The following GRID2 variants were observed in gnomAD, a reference collection of about 807,000 sequenced individuals.
GRID2 encodes the protein glutamate receptor ionotropic, delta-2.
In GRID2, 33 loss-of-function variants were observed where a neutral mutation model predicts 114.8. The ratio of observed to expected loss-of-function variants is 0.29; its 90% CI spans 0.22 to 0.38. The LOEUF is 0.38. Among genes scored for constraint, GRID2 ranks in the 10% least tolerant of loss-of-function variants. The pLI is 1.00. For synonymous variants in GRID2, 505 were observed against 449.9 expected (o/e 1.12, Z -1.55); for missense variants, 1,184 against 1,257.7 (o/e 0.94, Z 0.89).
chr4:93,638,406 C>T (rs1721625791), intron 14 of GRID2, among the ~76,000 whole-genome samples: 1 of 34,656 alleles, frequency 2.9e-5, no homozygotes, highest in Non-Finnish European at 5.6e-5. Flanking sequence ...GCGCTGCACC[C>T]ACTAATGTGT....
chr4:93,744,166 C>A (rs1000285761), intron 14 of GRID2, among the ~76,000 whole-genome samples: 2 of 152,130 alleles, frequency 1.3e-5, no homozygotes, highest in African/African-American at 4.8e-5. Flanking sequence ...TGGTCACCCA[C>A]GAACTCTAAT....
chr4:93,235,616 A>C (rs575077985), intron 7 of GRID2, among the ~76,000 whole-genome samples: 1 of 152,260 alleles, frequency 6.6e-6, no homozygotes, highest in Non-Finnish European at 1.5e-5. Flanking sequence ...TGACCTCTGA[A>C]TCATCCCTGA....
chr4:92,933,079 T>C (rs1234743585), intron 2 of GRID2, among the ~76,000 whole-genome samples: 1 of 150,892 alleles, frequency 6.6e-6, no homozygotes, highest in Non-Finnish European at 1.5e-5. Flanking sequence ...TTTTATTTTA[T>C]ATACATTATA....
chr4:92,912,072 G>A (rs1314741687), intron 2 of GRID2, among the ~76,000 whole-genome samples: 1 of 151,702 alleles, frequency 6.6e-6, no homozygotes, highest in Non-Finnish European at 1.5e-5. Context: ...ATGTTATCAT[G>A]TCTGTCATGT....
chr4:93,588,646 C>T (rs1578327049), intron 13 of GRID2, among the ~76,000 whole-genome samples: 1 of 152,174 alleles, frequency 6.6e-6, no homozygotes, highest in East Asian at 1.9e-4. Flanking sequence ...CAATGAGAAA[C>T]TTCCTTTAAA....
intron 14 of GRID2, among the ~76,000 whole-genome samples, chr4:93,676,074 G>A (rs1724829189): frequency 1.3e-5 from 2 of 152,158 alleles, no homozygotes; most frequent in African/African-American, 4.8e-5. Flanking sequence ...TCAAAATAAA[G>A]CATTCAGTAT....
chr4:93,683,911 C>A (rs76082901), intron 14 of GRID2, among the ~76,000 whole-genome samples: 4,657 of 151,970 alleles, frequency 0.031, 111 homozygotes, highest in African/African-American at 0.062. Context: ...ATGATAAGGA[C>A]GACTTTATTC....
chr4:93,676,556 T>C (rs1034937751), intron 14 of GRID2, among the ~76,000 whole-genome samples: 1 of 152,162 alleles, frequency 6.6e-6, no homozygotes, highest in Non-Finnish European at 1.5e-5. Context: ...CACCCCCTTG[T>C]TATGGTTACA....
At position 93,205,956 on chromosome 4, in the gene GRID2, A is replaced by C. The variant is rs144410973; in HGVS notation, c.736-1448A>C. ...TGTTTTTTGGCTGCATAAATGTCTT[A>C]TTTTGAGAAGTGTCTGTTCATATCC... On this transcript the variant is annotated intron_variant, in intron 4 of 15. Transcript: ENST00000282020. Among the ~76,000 whole-genome samples the C allele has an allele frequency of 5.5e-3, 837 of 152,096 alleles. 3 individuals carry two copies. The highest frequency in any genetic ancestry group is 0.018 in the African/African-American group (756 of 41,486).
At chr4:92,903,330 T>C (rs1268341238) in intron 2 of GRID2, among the ~76,000 whole-genome samples, 1 of 151,938 alleles carries the variant, frequency 6.6e-6, no homozygotes, top group African/African-American at 2.4e-5. Flanking sequence ...TTCTTAGGTT[T>C]TTATAAAATT....
intron 1 of GRID2, among the ~76,000 whole-genome samples, chr4:92,321,909 CAA>C (rs1204467833): frequency 2.0e-5 from 3 of 152,076 alleles, no homozygotes; most frequent in Non-Finnish European, 4.4e-5. Flanking sequence ...ATGGAATTTT[CAA>C]AGTCTCAAAT....
intron 1 of GRID2, among the ~76,000 whole-genome samples, chr4:92,539,898 C>T (rs932229683): frequency 1.3e-4 from 20 of 152,126 alleles, no homozygotes; most frequent in Non-Finnish European, 2.2e-4. Context: ...TCAAACTATA[C>T]TACAAGGCTA....
intron 8 of GRID2, among the ~76,000 whole-genome samples, chr4:93,390,970 A>G (rs1478933825): frequency 6.6e-6 from 1 of 152,102 alleles, no homozygotes; most frequent in Non-Finnish European, 1.5e-5. Flanking sequence ...AGGGAGATAA[A>G]AGTGGTTGAA....
At chr4:93,016,958 C>G (rs1401153046) in intron 2 of GRID2, among the ~76,000 whole-genome samples, 1 of 151,968 alleles carries the variant, frequency 6.6e-6, no homozygotes, top group Non-Finnish European at 1.5e-5. Flanking sequence ...GCTTCTGTCA[C>G]GTTTTGGGGT....
At chr4:92,984,099 A>G (rs1012069585) in intron 2 of GRID2, among the ~76,000 whole-genome samples, 1 of 152,236 alleles carries the variant, frequency 6.6e-6, no homozygotes, top group African/African-American at 2.4e-5. Flanking sequence ...GTACAGCTAT[A>G]AATATTTTTC....
At position 92,866,716 on chromosome 4, in the gene GRID2, T is replaced by A. The variant is rs1389396021; in HGVS notation, c.245-218279T>A. On this transcript the variant is annotated intron_variant, in intron 2 of 15. Transcript: ENST00000282020. ...CCGCCACCATGCCCGGCTAATTTTT[T>A]TTTTTTTTGTACTTTTTAATAGAGA... Among the ~76,000 whole-genome samples, 3 of 151,796 alleles carry A rather than the reference T, an allele frequency of 2.0e-5. No individual in the cohort carries two copies. In the East Asian group the frequency reaches 5.9e-4, roughly 30 times the overall value.
chr4:92,408,381 C>A (rs1415992292), intron 1 of GRID2, among the ~76,000 whole-genome samples: 3 of 140,128 alleles, frequency 2.1e-5, no homozygotes, highest in African/African-American at 5.3e-5. Context: ...CAATGTGATG[C>A]CTTTGGCTTT....
At chr4:93,603,321 C>G (rs1371191329) in intron 13 of GRID2, among the ~76,000 whole-genome samples, 2 of 152,154 alleles carry the variant, frequency 1.3e-5, no homozygotes, top group East Asian at 3.8e-4. Flanking sequence ...AACAACATTC[C>G]CTTAAGCAAA....
chr4:92,463,771 T>G (rs1402221644), intron 1 of GRID2, among the ~76,000 whole-genome samples: 1 of 152,028 alleles, frequency 6.6e-6, no homozygotes, highest in Non-Finnish European at 1.5e-5. Context: ...CTGCTGCTAC[T>G]ATTTTAATAG....
Sources: gnomAD v4.1 joint callset for allele counts (sites outside exome capture counted in the v4.1 genomes callset) on GRCh38, gnomAD v4.1.1 for gene constraint, MANE v1.5 for transcripts, NCBI Gene and HGNC (gene_info 2026-07-23, HGNC 2026-07-21) for gene names.